HADH: variants seen among roughly 807,000 people sequenced by gnomAD.
HADH encodes the protein hydroxyacyl-CoA dehydrogenase, also known as hydroxyacyl-coenzyme A dehydrogenase, mitochondrial.
A neutral mutation model predicts 32.2 loss-of-function variants in HADH; 24 were observed. The ratio of observed to expected loss-of-function variants is 0.75; its 90% confidence interval spans 0.54 to 1.05. The LOEUF is 1.05. HADH is among the 50% of genes least tolerant of loss of function. The pLI, the probability that HADH is intolerant of heterozygous loss-of-function variation, is 0.00. For synonymous variants in HADH, 139 were observed against 152.5 expected, an observed-to-expected ratio of 0.91 and a Z score of 0.65; for missense variants, 350 against 397.1, an observed-to-expected ratio of 0.88 and a Z score of 1.01.
chr4:108,021,376 T>G (rs930379192), intron 4 of HADH, among the ~76,000 whole-genome samples: 2 of 152,228 alleles, frequency 1.3e-5, no homozygotes, highest in African/African-American at 2.4e-5. Flanking sequence ...TGCTACTATT[T>G]TTTAGAAAGT....
chr4:108,016,189 C>G (rs1735688129), intron 3 of HADH, among the ~76,000 whole-genome samples: 1 of 152,138 alleles, frequency 6.6e-6, no homozygotes, highest in Non-Finnish European at 1.5e-5. Flanking sequence ...CAGTGCTCTT[C>G]TAGTGACTTG....
At chr4:108,028,948 G>A (rs1022787349) in intron 6 of HADH, 2 of 398,482 alleles carry the variant, frequency 5.0e-6, no homozygotes, top group Non-Finnish European at 8.8e-6. Context: ...ATCCCTGGCC[G>A]CCTGTGGGCT....
At chr4:108,018,181 C>G (rs4245923) in intron 3 of HADH, among the ~76,000 whole-genome samples, 131,855 of 152,120 alleles carry the variant, frequency 0.87, 58,027 homozygotes, top group East Asian at 0.97. Context: ...CTTTTCTTAA[C>G]GGGAGTGTGG....
At chr4:107,994,852 G>T (rs752230269) in intron 1 of HADH, among the ~76,000 whole-genome samples, 6 of 152,202 alleles carry the variant, frequency 3.9e-5, no homozygotes, top group African/African-American at 7.2e-5. Flanking sequence ...TCTGGGTGAG[G>T]TTGGAGATAC....
intron 4 of HADH, among the ~76,000 whole-genome samples, chr4:108,020,836 T>G (rs1353736108): frequency 6.6e-6 from 1 of 152,186 alleles, no homozygotes; most frequent in Non-Finnish European, 1.5e-5. Context: ...TCTGGGAGTG[T>G]GTATCGTCTG....
chr4:107,997,484 A>G (rs1397880600), intron 1 of HADH, among the ~76,000 whole-genome samples: 1 of 152,026 alleles, frequency 6.6e-6, no homozygotes, highest in Non-Finnish European at 1.5e-5. Context: ...TCTGCTTGGC[A>G]TGTTTACTTG....
chr4:108,016,383 AAAGAG>A (rs1197723576), intron 3 of HADH, among the ~76,000 whole-genome samples: 3 of 152,202 alleles, frequency 2.0e-5, no homozygotes, highest in African/African-American at 7.2e-5. Context: ...TGCCCCTGAC[AAAGAG>A]AAGAGACTTG....
At chr4:108,026,033 GTTTA>G (rs903632696) in intron 5 of HADH, 5 of 152,120 alleles carry the variant, frequency 3.3e-5, no homozygotes, top group Non-Finnish European at 7.4e-5. Flanking sequence ...TTACTAGTGA[GTTTA>G]TTTATTTATT....
chr4:107,995,354 C>G (rs1285258184), intron 1 of HADH, among the ~76,000 whole-genome samples: 1 of 152,128 alleles, frequency 6.6e-6, no homozygotes, highest in African/African-American at 2.4e-5. Flanking sequence ...AACTAATATA[C>G]AAGCTCCTAG....
intron 6 of HADH, chr4:108,032,674 CAGT>C: frequency 2.8e-6 from 1 of 354,446 alleles, no homozygotes; most frequent in Non-Finnish European, 5.2e-6. Flanking sequence ...AAATTCACCT[CAGT>C]GGTGCGTAGC....
intron 3 of HADH, among the ~76,000 whole-genome samples, chr4:108,018,451 C>A (rs1242355818): frequency 1.3e-5 from 2 of 151,958 alleles, no homozygotes; most frequent in Non-Finnish European, 2.9e-5. Context: ...AAAAGGAAAC[C>A]CTGGCATTTA....
chr4:108,001,408 C>A (rs142326940), intron 1 of HADH, among the ~76,000 whole-genome samples: 221 of 152,170 alleles, frequency 1.5e-3, no homozygotes, highest in African/African-American at 5.1e-3. Context: ...CAAGAGAGGT[C>A]AATTAATATG....
In HADH at chr4:108,009,903, C is replaced by T. The variant is rs71601073; in HGVS notation, c.261+16C>T. The stretch of plus-strand genomic sequence containing the variant: ...AAACCTTAAGGTAATTTCTTATTAT[C>T]GATGTCTTCAAGACAAGTCCTCTGA... On this transcript the variant is annotated intron_variant, in intron 2 of 7. Coordinates refer to ENST00000309522, the MANE Select transcript of HADH (RefSeq NM_005327.7). 6.3e-3 allele frequency: 9,896 copies of T among 1,578,762 alleles called. 48 individuals are homozygous for T. Among genetic ancestry groups the T allele is most frequent in the Non-Finnish European group, 7.7e-3 (8,851 of 1,148,932 alleles).
At chr4:107,995,720 T>G (rs1310143984) in intron 1 of HADH, among the ~76,000 whole-genome samples, 1 of 152,164 alleles carries the variant, frequency 6.6e-6, no homozygotes, top group Admixed American at 6.5e-5. Flanking sequence ...GGTTAGAACT[T>G]GAGTTCTCTT....
chr4:108,033,357 C>A, intron 7 of HADH, 65 bp downstream of exon 7: 1 of 882,694 alleles, frequency 1.1e-6, no homozygotes, highest in Non-Finnish European at 1.9e-6. Flanking sequence ...AATTATAATG[C>A]CTTTTTAAAA....
intron 6 of HADH, chr4:108,028,570 G>T (rs1471476421): frequency 1.3e-5 from 4 of 309,630 alleles, no homozygotes; most frequent in African/African-American, 4.3e-5. Flanking sequence ...AAGCACATTT[G>T]CTTCCTCAAA....
At chr4:108,017,095 T>C (rs755956301) in intron 3 of HADH, among the ~76,000 whole-genome samples, 3 of 152,228 alleles carry the variant, frequency 2.0e-5, no homozygotes, top group Non-Finnish European at 4.4e-5. Flanking sequence ...ACCACCATTA[T>C]TGAATGCTTG....
intron 1 of HADH, among the ~76,000 whole-genome samples, chr4:108,003,821 A>AC (rs1202349616): frequency 1.3e-5 from 2 of 152,042 alleles, no homozygotes; most frequent in African/African-American, 4.8e-5. Flanking sequence ...TAAAAAAAAA[A>AC]AAAAACAAAA....
intron 2 of HADH, among the ~76,000 whole-genome samples, 196 bp from the exon 3 acceptor site, chr4:108,014,235 C>T (rs1227729262): frequency 6.6e-6 from 1 of 152,182 alleles, no homozygotes; most frequent in Non-Finnish European, 1.5e-5. Context: ...ATAGTCAGCA[C>T]CACCTCAAGA....
Sources: gnomAD v4.1 joint callset for allele counts (sites outside exome capture counted in the v4.1 genomes callset) on GRCh38, gnomAD v4.1.1 for gene constraint, MANE v1.5 for transcripts, NCBI Gene and HGNC (gene_info 2026-07-23, HGNC 2026-07-21) for gene names.